The following ARSF variants were observed in gnomAD, a reference collection of about 807,000 sequenced individuals.
ARSF encodes arylsulfatase F.
Under a neutral mutation model 35.4 loss-of-function variants are expected in ARSF, and 33 were observed. The observed-to-expected ratio is 0.93, with a 90% CI of 0.71 to 1.25. ARSF has a LOEUF of 1.25. ARSF is among the 50% of genes most tolerant of loss of function. ARSF has a pLI of 0.00. For synonymous variants in ARSF, 222 were observed against 193.1 expected (o/e 1.15, Z -1.24); for missense variants, 501 against 480.2 (o/e 1.04, Z -0.40).
At chrX:3,042,688 G>T (rs1249012547) in intron 1 of ARSF, among the ~76,000 whole-genome samples, 7 of 109,393 alleles carry the variant, frequency 6.4e-5, no homozygotes, top group Admixed American at 5.9e-4. Flanking sequence ...GTAGAGATAG[G>T]GGTCTTGCCA....
chrX:3,089,365 G>A, intron 6 of ARSF, 131 bp from the exon 7 acceptor site: 1 of 744,424 alleles, frequency 1.3e-6, no homozygotes, highest in Admixed American at 2.5e-5. Context: ...TGGGGCCCTT[G>A]GGTGGACCCA....
chrX:3,076,507 CT>C, intron 3 of ARSF, 40 bp from the exon 4 acceptor site: 1 of 1,164,907 alleles, frequency 8.6e-7, no homozygotes. Flanking sequence ...CGCCCCCCAC[CT>C]TTTCCTTCTC....
At chrX:3,073,904 G>A (rs1317366208) in intron 3 of ARSF, among the ~76,000 whole-genome samples, 1 of 108,899 alleles carries the variant, frequency 9.2e-6, no homozygotes, top group Non-Finnish European at 1.9e-5. Flanking sequence ...AAGAAAAACA[G>A]ATATGAAACA....
chrX:3,112,615 A>G lies in ARSF; in HGVS notation c.*59A>G. On this transcript the variant is annotated 3_prime_UTR_variant, in exon 11 of 11. Transcript: ENST00000381127. ...CTAACGAGAAGAGATAATTACAATCAGGCTACCAAAGGAAGCACTAACTTT... is the reference window on the plus strand; with the variant it reads ...CTAACGAGAAGAGATAATTACAATCGGGCTACCAAAGGAAGCACTAACTTT... 1.8e-6 allele frequency: 2 copies of G among 1,123,400 alleles called. No homozygotes were observed. Among genetic ancestry groups the G allele is most frequent in the Non-Finnish European group, 2.3e-6 (2 of 855,095 alleles). 92.6% of individuals were successfully genotyped at this position (1,123,400 alleles called of 1,213,427 possible).
At chrX:3,050,028 T>A (rs1299254763) in intron 1 of ARSF, among the ~76,000 whole-genome samples, 3 of 110,190 alleles carry the variant, frequency 2.7e-5, no homozygotes. Context: ...CCCAGCTAAT[T>A]TTTTTGTATT....
chrX:3,072,014 C>T lies in ARSF; in HGVS notation c.12-12C>T. 8.3e-7 allele frequency: 1 copy of T among 1,202,001 alleles called. No individual in the cohort carries two copies. The highest frequency in any genetic ancestry group is 1.8e-5 in the South Asian group (1 of 56,787). The stretch of plus-strand genomic sequence containing the variant: ...AAGCCTGATACCAATAAAATCCCTG[C>T]TTGCTTTCCAGGAGACCCTTGGTCT... On this transcript the variant is annotated splice_polypyrimidine_tract_variant and intron_variant, in intron 2 of 10. Transcript: ENST00000381127.
At chrX:3,072,282 T>C (rs2090111273) in intron 3 of ARSF, 107 bp downstream of exon 3, 1 of 835,646 alleles carries the variant, frequency 1.2e-6, no homozygotes, top group Non-Finnish European at 1.7e-6. Flanking sequence ...GTTGGGACTT[T>C]TTTTTAAGTT....
intron 3 of ARSF, among the ~76,000 whole-genome samples, chrX:3,072,624 T>C (rs2090113667): frequency 9.0e-6 from 1 of 110,728 alleles, no homozygotes; most frequent in Non-Finnish European, 1.9e-5. Context: ...ATTTGTCGAA[T>C]GCAGAGAAGG....
At chrX:3,052,878 G>A (rs1196832585) in intron 1 of ARSF, among the ~76,000 whole-genome samples, 1 of 111,370 alleles carries the variant, frequency 9.0e-6, no homozygotes, top group Non-Finnish European at 1.9e-5. Context: ...TAAAGAACCT[G>A]TCTCTCTGAA....
chrX:3,090,401 G>T (rs1039384194), intron 7 of ARSF, among the ~76,000 whole-genome samples: 20 of 111,873 alleles, frequency 1.8e-4, no homozygotes, highest in African/African-American at 6.5e-4. Flanking sequence ...GAGCACAGTG[G>T]CTTCCATCTG....
intron 5 of ARSF, among the ~76,000 whole-genome samples, chrX:3,081,233 G>A (rs1489412958): frequency 8.9e-6 from 1 of 111,855 alleles, no homozygotes; most frequent in Non-Finnish European, 1.9e-5. Context: ...GAAAGACCCC[G>A]TCTCTAAAAA....
At chrX:3,101,673 T>C in intron 8 of ARSF, among the ~76,000 whole-genome samples, 1 of 111,534 alleles carries the variant, frequency 9.0e-6, no homozygotes, top group Non-Finnish European at 1.9e-5. Context: ...GCATAGAAAG[T>C]AGACAAGCCT....
chrX:3,060,468 C>T (rs904918983), intron 1 of ARSF, among the ~76,000 whole-genome samples: 1 of 111,900 alleles, frequency 8.9e-6, no homozygotes, highest in Non-Finnish European at 1.9e-5. Context: ...ATGACTTTGA[C>T]GAGCTGACAG....
At chrX:3,076,975 G>A (rs1218392896) in intron 4 of ARSF, among the ~76,000 whole-genome samples, 3 of 111,501 alleles carry the variant, frequency 2.7e-5, no homozygotes, top group Non-Finnish European at 5.6e-5. Flanking sequence ...GAGCCCGGGA[G>A]TTTGAGGCTG....
At chrX:3,058,051 G>C (rs1384096755) in intron 1 of ARSF, among the ~76,000 whole-genome samples, 2 of 111,834 alleles carry the variant, frequency 1.8e-5, no homozygotes, top group African/African-American at 6.5e-5. Context: ...TCAAAGGTTT[G>C]TTCCTTTTCA....
At chrX:3,095,921 C>G (rs1387293611) in intron 7 of ARSF, among the ~76,000 whole-genome samples, 2 of 106,607 alleles carry the variant, frequency 1.9e-5, no homozygotes, top group Non-Finnish European at 3.8e-5. Context: ...ATATATCATG[C>G]TGTTGATATT....
rs747956578 is a variant in ARSF, at chrX:3,101,269, T to C, written c.1102+48T>C. On this transcript the variant is annotated intron_variant, in intron 8 of 10. Coordinates refer to ENST00000381127, the MANE Select transcript of ARSF (RefSeq NM_001201539.2). ...GTGATCTGGTGGTGAATAAGCTTTTTTGTGGTTCTTATAATTAAAGCCCAT... is the reference window on the plus strand; with the variant it reads ...GTGATCTGGTGGTGAATAAGCTTTTCTGTGGTTCTTATAATTAAAGCCCAT... The C allele has an allele frequency of 2.4e-5, 28 of 1,167,493 alleles. No homozygotes were observed. In the Middle Eastern group the frequency reaches 7.1e-4, roughly 30 times the overall value.
At chrX:3,062,961 A>G (rs1012399411) in intron 1 of ARSF, among the ~76,000 whole-genome samples, 6 of 112,010 alleles carry the variant, frequency 5.4e-5, no homozygotes, top group Non-Finnish European at 1.1e-4. Flanking sequence ...TTATGAGGCC[A>G]ACATCATCCT....
At chrX:3,091,929 A>G (rs2090294241) in intron 7 of ARSF, among the ~76,000 whole-genome samples, 1 of 109,853 alleles carries the variant, frequency 9.1e-6, no homozygotes, top group South Asian at 3.8e-4. Flanking sequence ...AGATAGATAC[A>G]TAGATAAACA....
Sources: gnomAD v4.1 joint callset for allele counts (sites outside exome capture counted in the v4.1 genomes callset) on GRCh38, gnomAD v4.1.1 for gene constraint, MANE v1.5 for transcripts, NCBI Gene and HGNC (gene_info 2026-07-23, HGNC 2026-07-21) for gene names.